SUMF1: variants seen among roughly 807,000 people sequenced by gnomAD.
SUMF1 encodes sulfatase modifying factor 1.
In SUMF1, 48 loss-of-function variants were observed where a neutral mutation model predicts 47.6. The ratio of observed to expected loss-of-function variants is 1.01; its 90% confidence interval spans 0.80 to 1.28. SUMF1 has a LOEUF of 1.28. SUMF1 is among the 50% of genes most tolerant of loss of function. SUMF1 has a pLI of 0.00. For synonymous variants in SUMF1, 230 were observed against 192.1 expected (o/e 1.20, Z -1.63); for missense variants, 571 against 485.4 (o/e 1.18, Z -1.66).
At chr3:4,184,967 A>C (rs1695171141) in intron 8 of SUMF1, among the ~76,000 whole-genome samples, 1 of 152,078 alleles carries the variant, frequency 6.6e-6, no homozygotes, top group African/African-American at 2.4e-5. Flanking sequence ...GCTTTTAAAA[A>C]GGTCTCCAAA....
chr3:4,056,269 C>T (rs916724265), intron 9 of SUMF1, among the ~76,000 whole-genome samples: 14 of 152,148 alleles, frequency 9.2e-5, no homozygotes, highest in Non-Finnish European at 1.6e-4. Flanking sequence ...GCCATTACAC[C>T]AGGTAATTCT....
chr3:4,365,218 G>C (rs1699910465), intron 8 of SUMF1, among the ~76,000 whole-genome samples: 1 of 121,884 alleles, frequency 8.2e-6, no homozygotes, highest in Non-Finnish European at 1.9e-5. Context: ...GAGTTCTGTA[G>C]ATGTCTATTA....
chr3:4,264,911 A>C (rs1248105985), intron 8 of SUMF1, among the ~76,000 whole-genome samples: 2 of 152,158 alleles, frequency 1.3e-5, no homozygotes, highest in Non-Finnish European at 2.9e-5. Context: ...AGGCAGGTGG[A>C]TCATCTGAGA....
intron 8 of SUMF1, among the ~76,000 whole-genome samples, chr3:4,311,984 T>G (rs1481023760): frequency 6.6e-6 from 1 of 152,222 alleles, no homozygotes; most frequent in South Asian, 2.1e-4. Context: ...AGATTGAGGA[T>G]TGTCTTCTTT....
intron 8 of SUMF1, among the ~76,000 whole-genome samples, chr3:4,069,890 C>T (rs569487372): frequency 6.6e-6 from 1 of 152,146 alleles, no homozygotes; most frequent in Non-Finnish European, 1.5e-5. Context: ...TAGAGAATCC[C>T]CTTTCCCCTT....
intron 8 of SUMF1, among the ~76,000 whole-genome samples, chr3:4,270,598 G>C (rs1486914909): frequency 1.3e-5 from 2 of 152,102 alleles, no homozygotes; most frequent in African/African-American, 2.4e-5. Context: ...TGAGTGTAAG[G>C]GGAACTTCAA....
chr3:4,373,237 G>C (rs1196133927), intron 8 of SUMF1, among the ~76,000 whole-genome samples: 1 of 151,374 alleles, frequency 6.6e-6, no homozygotes, highest in Non-Finnish European at 1.5e-5. Context: ...GAGACAAAGA[G>C]AAAAAAAATC....
intron 8 of SUMF1, among the ~76,000 whole-genome samples, chr3:4,369,573 C>CA (rs1235082495): frequency 1.3e-5 from 2 of 152,206 alleles, no homozygotes; most frequent in Non-Finnish European, 2.9e-5. Context: ...GATGACATGT[C>CA]ATTCTTGTCC....
intron 8 of SUMF1, among the ~76,000 whole-genome samples, chr3:4,118,022 A>T (rs1264759166): frequency 2.0e-5 from 3 of 151,938 alleles, no homozygotes; most frequent in Admixed American, 1.3e-4. Flanking sequence ...CTCAGCTTGA[A>T]CCTAAGCTGT....
chr3:4,253,286 G>C lies in SUMF1; in HGVS notation c.1014+123044C>G, dbSNP rs534700148. Among the ~76,000 whole-genome samples the C allele has an allele frequency of 1.2e-4, 19 of 152,144 alleles. No homozygotes were observed. The South Asian group carries it at 3.5e-3, about 28-fold the overall frequency. ...AAGATGGCCGAATAGGAACAGCTCC[G>C]GTCTACAGCTCCCAGCGTGAGTGAC... On this transcript the variant is annotated intron_variant and NMD_transcript_variant, in intron 8 of 12. Transcript: ENST00000448413.
chr3:4,115,624 C>T (rs1405188612), intron 8 of SUMF1, among the ~76,000 whole-genome samples: 2 of 152,062 alleles, frequency 1.3e-5, no homozygotes, highest in African/African-American at 4.8e-5. Context: ...CGCATCGCAC[C>T]CTCTGCGAGG....
At chr3:4,184,330 C>T (rs1012658273) in intron 8 of SUMF1, among the ~76,000 whole-genome samples, 1 of 151,810 alleles carries the variant, frequency 6.6e-6, no homozygotes, top group Non-Finnish European at 1.5e-5. Context: ...GTGTTGTGCG[C>T]CTGTAATCCT....
intron 8 of SUMF1, among the ~76,000 whole-genome samples, chr3:4,145,631 T>C (rs982877722): frequency 2.0e-5 from 3 of 152,194 alleles, no homozygotes; most frequent in Non-Finnish European, 4.4e-5. Context: ...ATGAAGTTTA[T>C]GGTCAATTTT....
chr3:4,393,646 TTTATTTATTA>T (rs1700948089), intron 7 of SUMF1, among the ~76,000 whole-genome samples: 1 of 151,558 alleles, frequency 6.6e-6, no homozygotes, highest in African/African-American at 2.4e-5. Flanking sequence ...TATTTATTTA[TTTATTTATTA>T]TTATTATTAT....
chr3:4,072,799 G>T (rs537959863), intron 8 of SUMF1, among the ~76,000 whole-genome samples: 8 of 152,254 alleles, frequency 5.3e-5, no homozygotes, highest in Non-Finnish European at 1.2e-4. Context: ...AGAGTGAAGA[G>T]AAATGAACAA....
intron 8 of SUMF1, among the ~76,000 whole-genome samples, chr3:4,369,598 C>CT (rs1057273104): frequency 3.9e-5 from 6 of 152,160 alleles, no homozygotes; most frequent in East Asian, 1.9e-4. Context: ...AACGTACACG[C>CT]TTTTTTAGAA....
chr3:4,172,600 G>C (rs1000493055), intron 8 of SUMF1, among the ~76,000 whole-genome samples: 2 of 152,130 alleles, frequency 1.3e-5, no homozygotes, highest in African/African-American at 2.4e-5. Flanking sequence ...AGATCACACA[G>C]CTAAGAATAA....
At chr3:4,330,337 T>C (rs1699025123) in intron 8 of SUMF1, among the ~76,000 whole-genome samples, 2 of 152,188 alleles carry the variant, frequency 1.3e-5, no homozygotes, top group Admixed American at 1.3e-4. Flanking sequence ...AATAAAGACA[T>C]GCCTGAGACT....
intron 9 of SUMF1, among the ~76,000 whole-genome samples, chr3:4,052,592 A>G (rs1695130233): frequency 6.6e-6 from 1 of 152,168 alleles, no homozygotes; most frequent in South Asian, 2.1e-4. Flanking sequence ...TTCCCGGACT[A>G]TGTGCTAATA....
Sources: allele counts gnomAD v4.1 joint callset (sites outside exome capture counted in the v4.1 genomes callset), GRCh38; gene constraint gnomAD v4.1.1; transcripts MANE v1.5; gene names NCBI Gene and HGNC (gene_info 2026-07-23, HGNC 2026-07-21).